NCKAP5: variants seen among roughly 807,000 people sequenced by gnomAD.
The protein encoded by NCKAP5 is NCK associated protein 5.
Under a neutral mutation model 167.0 loss-of-function variants are expected in NCKAP5, and 92 were observed. The ratio of observed to expected loss-of-function variants is 0.55; its 90% CI spans 0.47 to 0.66. The LOEUF (loss-of-function observed/expected upper bound fraction) is 0.66, where lower values mean the gene tolerates loss of function less well. Among genes scored for constraint, NCKAP5 ranks in the 30% least tolerant of loss-of-function variants. NCKAP5 has a pLI of 0.00. For synonymous variants in NCKAP5, 891 were observed against 877.4 expected (o/e 1.02, Z -0.27); for missense variants, 2,378 against 2,315.0 (o/e 1.03, Z -0.56).
intron 8 of NCKAP5, among the ~76,000 whole-genome samples, chr2:132,888,264 G>C (rs1363201284): frequency 6.6e-6 from 1 of 152,210 alleles, no homozygotes. Flanking sequence ...ATACACACAT[G>C]TGGATATATA....
chr2:133,408,526 T>A (rs1688584230), intron 3 of NCKAP5, among the ~76,000 whole-genome samples: 1 of 152,196 alleles, frequency 6.6e-6, no homozygotes, highest in African/African-American at 2.4e-5. Context: ...ATTTAGTTAA[T>A]GCTTGAAGAA....
At chr2:133,644,237 T>G in the NCKAP5 span, among the ~76,000 whole-genome samples, 1 of 152,148 alleles carries the variant, frequency 6.6e-6, no homozygotes, top group Non-Finnish European at 1.5e-5. Context: ...GAGGTCTGAA[T>G]AGAACAAAAA....
At chr2:133,487,937 G>T (rs781283636) in intron 3 of NCKAP5, among the ~76,000 whole-genome samples, 2 of 152,156 alleles carry the variant, frequency 1.3e-5, no homozygotes, top group Non-Finnish European at 2.9e-5. Context: ...AAGCCATTTA[G>T]CATGTAGGTA....
rs530767017 is a variant in NCKAP5 at position 132,803,916 on chromosome 2, A to G, written c.808-7187T>C. The stretch of plus-strand genomic sequence containing the variant: ...TCTTAAGGCAGAACATGCAAACAAG[A>G]TCACAGTAGAGTAAGGGTGCCATGT... On this transcript the variant is annotated intron_variant, in intron 11 of 19. Transcript: ENST00000409261. Among the ~76,000 whole-genome samples, 9 of 152,316 alleles carry G rather than the reference A, an allele frequency of 5.9e-5. No individual in the cohort carries two copies. In the East Asian group the frequency reaches 1.7e-3, roughly 29 times the overall value.
Position 132,866,471 on chromosome 2 carries a change from A to G in NCKAP5, c.687+2465T>C, listed in dbSNP as rs1321354696. The stretch of plus-strand genomic sequence containing the variant: ...TTGTTGTTCTAAAGGGGTACAGTCC[A>G]TTCTCCTAAGGGAATCCACAGGTTT... On this transcript the variant is annotated intron_variant, in intron 10 of 19. Transcript: ENST00000409261. Among the ~76,000 whole-genome samples the G allele has an allele frequency of 2.6e-5, 4 of 152,334 alleles. No homozygotes were observed. In the East Asian group the frequency reaches 7.7e-4, roughly 29 times the overall value.
At chr2:133,228,184 G>A (rs879069934) in intron 4 of NCKAP5, among the ~76,000 whole-genome samples, 2 of 152,168 alleles carry the variant, frequency 1.3e-5, no homozygotes, top group South Asian at 2.1e-4. Flanking sequence ...TAGGTTGGGG[G>A]CAGTTCTAAG....
At position 133,106,689 on chromosome 2, in the gene NCKAP5, A is replaced by T. The variant is rs188159458; in HGVS notation, c.341+23289T>A. On this transcript the variant is annotated intron_variant, in intron 6 of 19. Transcript: ENST00000409261. ...GCAGAACTTGTGTGACTGTAAAAAC[A>T]GCAGTTTTTAAAAATATGGTTAGAC... Among the ~76,000 whole-genome samples, 128 of 152,346 alleles carry T rather than the reference A, an allele frequency of 8.4e-4. 1 individual carries two copies. Among genetic ancestry groups the T allele is most frequent in the Non-Finnish European group, 4.4e-5 (3 of 68,022 alleles).
chr2:132,830,612 A>C (rs1469783312), intron 11 of NCKAP5, among the ~76,000 whole-genome samples: 1 of 152,154 alleles, frequency 6.6e-6, no homozygotes, highest in Non-Finnish European at 1.5e-5. Flanking sequence ...CATCTATTGC[A>C]TACTTGCATA....
At chr2:133,512,627 A>T (rs1683592404) in intron 3 of NCKAP5, among the ~76,000 whole-genome samples, 1 of 152,216 alleles carries the variant, frequency 6.6e-6, no homozygotes, top group Non-Finnish European at 1.5e-5. Context: ...TTCCTGCTTC[A>T]GAATTACATC....
intron 3 of NCKAP5, chr2:133,431,838 T>C (rs1353399141): frequency 6.6e-6 from 1 of 152,090 alleles, no homozygotes; most frequent in African/African-American, 2.4e-5. Context: ...AAACAAACAA[T>C]AAGTTTTACT....
intron 6 of NCKAP5, among the ~76,000 whole-genome samples, chr2:133,116,032 A>T (rs2082071714): frequency 6.6e-6 from 1 of 151,756 alleles, no homozygotes; most frequent in African/African-American, 2.4e-5. Context: ...ATTCACTTCA[A>T]ATTTAACTGA....
chr2:132,936,045 G>A (rs1001752722), intron 8 of NCKAP5, among the ~76,000 whole-genome samples: 1 of 150,144 alleles, frequency 6.7e-6, no homozygotes, highest in Non-Finnish European at 1.5e-5. Context: ...GCAGTGGTGC[G>A]ATCTCAGCTC....
In NCKAP5 at chr2:132,783,787, A is replaced by G; in HGVS notation, c.3024T>C (p.Pro1008=). The G allele has an allele frequency of 6.4e-7, 1 of 1,554,224 alleles. No individual in the cohort carries two copies. Among genetic ancestry groups the G allele is most frequent in the Non-Finnish European group, 8.7e-7 (1 of 1,152,694 alleles). Residue 1008 remains proline, a synonymous_variant, in exon 14 of 20, where the codon CCT becomes CCC. Transcript: ENST00000409261. ...VAFKKPIFTH[P]MPSPEAVIQT... ...GAATGACTGCTTCTGGGGAGGGCAT[A>G]GGGTGAGTGAAGATAGGCTTTTTGA...
At chr2:132,968,255 C>A (rs1028510506) in intron 7 of NCKAP5, among the ~76,000 whole-genome samples, 2 of 152,162 alleles carry the variant, frequency 1.3e-5, no homozygotes, top group Non-Finnish European at 2.9e-5. Flanking sequence ...ATCATCCTGA[C>A]TGCTGCAATG....
intron 5 of NCKAP5, among the ~76,000 whole-genome samples, chr2:133,192,313 T>C (rs1393526628): frequency 1.3e-5 from 2 of 152,120 alleles, no homozygotes; most frequent in Non-Finnish European, 2.9e-5. Context: ...GTAGATCTTT[T>C]AGAAAATAGG....
intron 1 of NCKAP5, among the ~76,000 whole-genome samples, chr2:133,560,297 T>C (rs767918684): frequency 6.6e-6 from 1 of 152,218 alleles, no homozygotes; most frequent in Non-Finnish European, 1.5e-5. Flanking sequence ...ACGCCTACTG[T>C]GGGCCAGCCA....
intron 16 of NCKAP5, among the ~76,000 whole-genome samples, chr2:132,757,350 G>A (rs1458359249): frequency 6.6e-6 from 1 of 152,158 alleles, no homozygotes; most frequent in East Asian, 1.9e-4. Flanking sequence ...CTCTTTAGAA[G>A]CAGTAAGCCT....
intron 4 of NCKAP5, among the ~76,000 whole-genome samples, chr2:133,293,326 T>C (rs755769051): frequency 6.6e-6 from 1 of 152,118 alleles, no homozygotes; most frequent in Non-Finnish European, 1.5e-5. Flanking sequence ...CCTTTTTGTG[T>C]CTCCTTGCCC....
chr2:133,671,214 C>CA, the NCKAP5 span, among the ~76,000 whole-genome samples: 6,552 of 53,306 alleles, frequency 0.12, 498 homozygotes, highest in African/African-American at 0.19. Context: ...GACTCCGTCT[C>CA]AAAAAAAAAA....
Sources: gnomAD v4.1 joint callset for allele counts (sites outside exome capture counted in the v4.1 genomes callset) on GRCh38, gnomAD v4.1.1 for gene constraint, MANE v1.5 for transcripts, NCBI Gene and HGNC (gene_info 2026-07-23, HGNC 2026-07-21) for gene names.